The following ERBB4 variants were observed in gnomAD, a reference collection of about 807,000 sequenced individuals.
The protein encoded by ERBB4 is receptor tyrosine-protein kinase erbB-4.
A neutral mutation model predicts 158.0 loss-of-function variants in ERBB4; 42 were observed. The observed-to-expected ratio is 0.27, with a 90% CI of 0.21 to 0.34. The LOEUF (loss-of-function observed/expected upper bound fraction) is 0.34, where lower values mean the gene tolerates loss of function less well. Among genes scored for constraint, ERBB4 ranks in the 10% least tolerant of loss-of-function variants. ERBB4 has a pLI of 1.00. For synonymous variants in ERBB4, 583 were observed against 558.7 expected (o/e 1.04, Z -0.61); for missense variants, 1,333 against 1,624.1 (o/e 0.82, Z 3.08).
intron 2 of ERBB4, among the ~76,000 whole-genome samples, chr2:211,957,000 T>G (rs761557339): frequency 6.6e-6 from 1 of 151,910 alleles, no homozygotes; most frequent in Non-Finnish European, 1.5e-5. Context: ...CCAACCTAAT[T>G]TTTTTTCCAG....
chr2:211,827,191 A>T (rs1458130679), intron 3 of ERBB4, among the ~76,000 whole-genome samples: 1 of 151,952 alleles, frequency 6.6e-6, no homozygotes, highest in Non-Finnish European at 1.5e-5. Context: ...CTTTCTACCC[A>T]TGTTGAGTGT....
intron 5 of ERBB4, among the ~76,000 whole-genome samples, chr2:211,735,231 A>AAT (rs1475406733): frequency 6.6e-6 from 1 of 151,968 alleles, no homozygotes; most frequent in Non-Finnish European, 1.5e-5. Flanking sequence ...TTAAAAAAAA[A>AAT]ACTATACTAA....
At chr2:211,773,415 T>C (rs1052236956) in intron 4 of ERBB4, among the ~76,000 whole-genome samples, 4 of 150,790 alleles carry the variant, frequency 2.7e-5, no homozygotes, top group Admixed American at 6.6e-5. Flanking sequence ...CTCATATATG[T>C]TATGATTTTC....
chr2:212,181,612 C>A (rs2081867352), intron 1 of ERBB4, among the ~76,000 whole-genome samples: 1 of 151,650 alleles, frequency 6.6e-6, no homozygotes, highest in Non-Finnish European at 1.5e-5. Context: ...GCTTTTACTG[C>A]AATGCGTAGC....
intron 3 of ERBB4, among the ~76,000 whole-genome samples, chr2:211,916,488 G>C (rs954693748): frequency 6.6e-6 from 1 of 152,048 alleles, no homozygotes; most frequent in Non-Finnish European, 1.5e-5. Context: ...TCTAAGTAGT[G>C]AGATTCATGT....
chr2:212,067,527 A>T lies in ERBB4; in HGVS notation c.234+57225T>A, dbSNP rs557589557. Among the ~76,000 whole-genome samples, 3 of 152,132 alleles carry T rather than the reference A, an allele frequency of 2.0e-5. No homozygotes were observed. In the South Asian group the frequency reaches 6.2e-4, roughly 32 times the overall value. On this transcript the variant is annotated intron_variant, in intron 2 of 27. Coordinates refer to ENST00000342788, the MANE Select transcript of ERBB4 (RefSeq NM_005235.3). ...ACAAAAACAAAAATTACTGTTCCTG[A>T]AGTCCTACAGGCCAAAACTGGACAG...
chr2:211,440,697 A>G (rs2125452170), intron 20 of ERBB4, among the ~76,000 whole-genome samples: 1 of 152,248 alleles, frequency 6.6e-6, no homozygotes. Flanking sequence ...CATCATATAG[A>G]CCTAAATAAT....
intron 20 of ERBB4, among the ~76,000 whole-genome samples, chr2:211,524,567 G>T (rs1574669020): frequency 6.6e-6 from 1 of 152,152 alleles, no homozygotes; most frequent in South Asian, 2.1e-4. Context: ...GCGCAGCGCT[G>T]GTGGGCTGGC....
At chr2:212,338,287 GTCTGTCT>G (rs1166164302) in intron 1 of ERBB4, among the ~76,000 whole-genome samples, 1 of 151,960 alleles carries the variant, frequency 6.6e-6, no homozygotes, top group Non-Finnish European at 1.5e-5. Context: ...GTGAAAATGA[GTCTGTCT>G]TCTAAGACCC....
At chr2:211,974,561 C>G (rs2081549623) in intron 2 of ERBB4, among the ~76,000 whole-genome samples, 1 of 152,188 alleles carries the variant, frequency 6.6e-6, no homozygotes, top group Non-Finnish European at 1.5e-5. Flanking sequence ...TCCACAGCAT[C>G]TCCAAGACTC....
At position 211,892,477 on chromosome 2, in the gene ERBB4, A is replaced by T. The variant is rs1241166688; in HGVS notation, c.421+54953T>A. Among the ~76,000 whole-genome samples the T allele has an allele frequency of 3.8e-5, 5 of 132,830 alleles. No individual in the cohort carries two copies. The South Asian group carries it at 1.1e-3, about 30-fold the overall frequency. 87.1% of individuals were successfully genotyped at this position (132,830 alleles called of 152,430 possible). A position where few individuals can be genotyped will look rare whatever the true frequency, so the allele number is the denominator to read the frequency against. On this transcript the variant is annotated intron_variant, in intron 3 of 27. Coordinates refer to ENST00000342788, the MANE Select transcript of ERBB4 (RefSeq NM_005235.3). Reference sequence around the variant, plus strand: ...TACTGAATGGGCAAAAACTGGAAGCATTCCCTTTGAAAACTGGCACAAGAC... The same window carrying T: ...TACTGAATGGGCAAAAACTGGAAGCTTTCCCTTTGAAAACTGGCACAAGAC...
At chr2:211,568,275 T>TA (rs1450921524) in intron 19 of ERBB4, among the ~76,000 whole-genome samples, 7 of 152,154 alleles carry the variant, frequency 4.6e-5, no homozygotes, top group South Asian at 2.1e-4. Flanking sequence ...AAGGTCTTTT[T>TA]AAAAAAACCA....
rs28379066 is a variant in ERBB4, at chr2:211,939,601, A to T, written c.421+7829T>A. Among the ~76,000 whole-genome samples, 1,496 of 152,206 alleles carry T rather than the reference A, an allele frequency of 9.8e-3. 33 individuals are homozygous for T. Among genetic ancestry groups the T allele is most frequent in the African/African-American group, 0.034 (1,430 of 41,512 alleles). ...GATGATGTATTTACATATTCTAAAA[A>T]ATTACTATAGACATCTGTCAAAAAT... On this transcript the variant is annotated intron_variant, in intron 3 of 27. Coordinates refer to ENST00000342788, the MANE Select transcript of ERBB4 (RefSeq NM_005235.3).
chr2:211,580,803 T>TATA (rs1457514408), intron 19 of ERBB4, among the ~76,000 whole-genome samples: 3 of 63,278 alleles, frequency 4.7e-5, no homozygotes, highest in East Asian at 7.0e-4. Flanking sequence ...TATATATATA[T>TATA]ATATATATAA....
intron 3 of ERBB4, among the ~76,000 whole-genome samples, chr2:211,945,115 G>A (rs1208940048): frequency 6.6e-5 from 10 of 152,008 alleles, no homozygotes; most frequent in Non-Finnish European, 1.2e-4. Flanking sequence ...ACTTAATTAC[G>A]GCACTTATTT....
chr2:211,945,954 T>C (rs2125133787), intron 3 of ERBB4, among the ~76,000 whole-genome samples: 1 of 152,190 alleles, frequency 6.6e-6, no homozygotes, highest in Non-Finnish European at 1.5e-5. Context: ...ATGCAGGTTT[T>C]AACTGGATCA....
At chr2:212,337,665 T>C (rs115786431) in intron 1 of ERBB4, among the ~76,000 whole-genome samples, 241 of 152,228 alleles carry the variant, frequency 1.6e-3, no homozygotes, top group African/African-American at 5.7e-3. Context: ...ACCTCTCGCA[T>C]ATCTAATGCA....
intron 1 of ERBB4, among the ~76,000 whole-genome samples, chr2:212,153,521 A>T (rs919354811): frequency 1.3e-5 from 2 of 152,224 alleles, no homozygotes; most frequent in African/African-American, 4.8e-5. Context: ...ATTCTGAGAC[A>T]GAGTACAATA....
At chr2:211,979,557 T>C (rs2081731808) in intron 2 of ERBB4, among the ~76,000 whole-genome samples, 2 of 152,164 alleles carry the variant, frequency 1.3e-5, no homozygotes, top group Non-Finnish European at 1.5e-5. Flanking sequence ...TTATTTTCAA[T>C]AGGTATTTCT....
Sources: gnomAD v4.1 joint callset for allele counts (sites outside exome capture counted in the v4.1 genomes callset) on GRCh38, gnomAD v4.1.1 for gene constraint, MANE v1.5 for transcripts, NCBI Gene and HGNC (gene_info 2026-07-23, HGNC 2026-07-21) for gene names.